LIN7B: variants seen among roughly 807,000 people sequenced by gnomAD.
LIN7B encodes lin-7 cell polarity scaffold B, also known as protein lin-7 homolog B.
LIN7B carries 16 observed loss-of-function variants against 27.9 expected under a neutral mutation model. That is an observed-to-expected ratio of 0.57 (90% CI 0.39 to 0.87). The LOEUF (loss-of-function observed/expected upper bound fraction) is 0.87. Ranked by LOEUF, LIN7B falls within the 40% of genes least tolerant of loss-of-function variation. The probability of loss-of-function intolerance (pLI) is 0.00; values close to 1 mark genes in which losing one functional copy is unlikely to be tolerated. For synonymous variants in LIN7B, 147 were observed against 120.8 expected (o/e 1.22, Z -1.42); for missense variants, 291 against 288.5 (o/e 1.01, Z -0.06).
At chr19:49,115,850 GAAA>G (rs1203641589) in intron 3 of LIN7B, 1 of 148,306 alleles carries the variant, frequency 6.7e-6, no homozygotes, top group Non-Finnish European at 1.5e-5. Context: ...AAAAAAGAAA[GAAA>G]AAGCCGAGCG....
chr19:49,117,727 G>A (rs751087298), intron 4 of LIN7B, 128 bp from the exon 5 acceptor site: 10 of 764,652 alleles, frequency 1.3e-5, no homozygotes, highest in Non-Finnish European at 2.2e-5. Flanking sequence ...TGACTCCCAC[G>A]AGGAGGACAT....
chr19:49,117,961 A>AG lies in LIN7B; in HGVS notation c.547dup (p.Ala183GlyfsTer50). On this transcript the variant is annotated frameshift_variant, in exon 5 of 6. Coordinates refer to ENST00000221459, the MANE Select transcript of LIN7B (RefSeq NM_022165.3). LOFTEE classifies it high-confidence loss of function. ...ACACCGCGAGTGCTGGAGGAGATGG[A>AG]GGCCCGGTTCGAGAAGATGCGCTCT... The AG allele has an allele frequency of 2.5e-6, 4 of 1,614,046 alleles. No individual in the cohort carries two copies. Among genetic ancestry groups the AG allele is most frequent in the Non-Finnish European group, 3.4e-6 (4 of 1,179,958 alleles).
intron 5 of LIN7B, 70 bp from the exon 6 acceptor site, chr19:49,118,282 C>T (rs2040869092): frequency 1.3e-6 from 2 of 1,563,584 alleles, no homozygotes; most frequent in South Asian, 1.1e-5. Context: ...GCCTCTGCAA[C>T]CCCAGTCCTG....
chr19:49,116,505 A>T (rs369606651), intron 4 of LIN7B, 33 bp downstream of exon 4: 5 of 1,574,812 alleles, frequency 3.2e-6, no homozygotes, highest in Non-Finnish European at 4.4e-6. Flanking sequence ...ACTGGGGGAC[A>T]CAGTCTGTCT....
chr19:49,117,466 G>A (rs1323838927), intron 4 of LIN7B, among the ~76,000 whole-genome samples: 1 of 152,072 alleles, frequency 6.6e-6, no homozygotes, highest in Non-Finnish European at 1.5e-5. Flanking sequence ...TGAACTGAGG[G>A]GAGAGATTAG....
At chr19:49,117,264 CAAAA>C (rs1388476841) in intron 4 of LIN7B, among the ~76,000 whole-genome samples, 2 of 59,590 alleles carry the variant, frequency 3.4e-5, no homozygotes, top group Non-Finnish European at 6.9e-5. Context: ...AAAAAAAAAA[CAAAA>C]CTCACTGTGG....
chr19:49,115,004 CCGT>C, intron 2 of LIN7B, 37 bp downstream of exon 2: 1 of 1,272,362 alleles, frequency 7.9e-7, no homozygotes, highest in Non-Finnish European at 1.0e-6. Flanking sequence ...GAGCTGGTGG[CCGT>C]CGTCCTCCTC....
At chr19:49,116,017 A>C (rs1307752790) in intron 3 of LIN7B, 2 of 428,070 alleles carry the variant, frequency 4.7e-6, no homozygotes, top group African/African-American at 2.0e-5. Context: ...CTCAAAAAAA[A>C]AAAAAAAGTA....
At chr19:49,115,172 G>C in intron 2 of LIN7B, 88 bp from the exon 3 acceptor site, 2 of 1,195,528 alleles carry the variant, frequency 1.7e-6, no homozygotes, top group South Asian at 3.0e-5. Context: ...TCCTTGCGTG[G>C]TAGCGGGAGA....
intron 5 of LIN7B, 58 bp downstream of exon 5, chr19:49,118,076 C>A: frequency 6.3e-7 from 1 of 1,598,270 alleles, no homozygotes; most frequent in South Asian, 1.1e-5. Context: ...TAACCCCAGG[C>A]TCCCAAACCA....
Position 49,118,402 on chromosome 19 carries a change from T to G in LIN7B, c.*29T>G, listed in dbSNP as rs745518738. The G allele has an allele frequency of 2.5e-6, 4 of 1,611,932 alleles. No homozygotes were observed. The highest frequency in any genetic ancestry group is 3.4e-6 in the Non-Finnish European group (4 of 1,178,020). ...CACAGATCTGGACGTTCACGTGCAC[T>G]CTCTTCCTGTACAGTATTTATTGTT... is the stretch of plus-strand genomic sequence containing the variant. On this transcript the variant is annotated 3_prime_UTR_variant, in exon 6 of 6. Transcript: ENST00000221459.
rs372164874 is a variant in LIN7B, at chr19:49,118,403, C to T, written c.*30C>T. On this transcript the variant is annotated 3_prime_UTR_variant, in exon 6 of 6. Coordinates refer to ENST00000221459, the MANE Select transcript of LIN7B (RefSeq NM_022165.3). ...ACAGATCTGGACGTTCACGTGCACT[C>T]TCTTCCTGTACAGTATTTATTGTTC... 1.9e-6 allele frequency: 3 copies of T among 1,612,008 alleles called. No homozygotes were observed. Among genetic ancestry groups the T allele is most frequent in the African/African-American group, 2.7e-5 (2 of 74,896 alleles).
chr19:49,114,383 G>GGCTGGCA lies in LIN7B; in HGVS notation c.-17_-11dup. The stretch of plus-strand genomic sequence containing the variant: ...CTCGCCGGCGCCAGGGCAGGCGGGC[G>GGCTGGCA]GCTGGCAGCTGTGGCGCCGACATGG... On this transcript the variant is annotated 5_prime_UTR_variant, in exon 1 of 6. Coordinates refer to ENST00000221459, the MANE Select transcript of LIN7B (RefSeq NM_022165.3). 1 of 1,193,882 alleles carries GGCTGGCA rather than the reference G, an allele frequency of 8.4e-7. No homozygotes were observed. The highest frequency in any genetic ancestry group is 1.0e-6 in the Non-Finnish European group (1 of 963,488). 74.0% of individuals were successfully genotyped at this position (1,193,882 alleles called of 1,614,324 possible).
chr19:49,118,043 C>G (rs766579599), intron 5 of LIN7B, 25 bp downstream of exon 5: 16 of 1,612,478 alleles, frequency 9.9e-6, no homozygotes, highest in Admixed American at 5.0e-5. Flanking sequence ...CACCACACCC[C>G]TGGGGCCTCC....
chr19:49,118,143 G>T (rs2040865530), intron 5 of LIN7B, 125 bp downstream of exon 5: 2 of 1,483,046 alleles, frequency 1.3e-6, no homozygotes, highest in African/African-American at 1.4e-5. Flanking sequence ...CCTGACCCTT[G>T]ACCCTTGGCC....
chr19:49,114,474 G>A, intron 1 of LIN7B, 33 bp downstream of exon 1: 2 of 1,205,702 alleles, frequency 1.7e-6, no homozygotes, highest in Non-Finnish European at 2.1e-6. Context: ...TGCCCACCCG[G>A]GCCGCGGCCT....
At chr19:49,115,234 C>G (rs745402707) in intron 2 of LIN7B, 26 bp from the exon 3 acceptor site, 1 of 1,545,126 alleles carries the variant, frequency 6.5e-7, no homozygotes, top group East Asian at 2.5e-5. Flanking sequence ...CTGGCGACTC[C>G]CTGATGCCGC....
intron 4 of LIN7B, among the ~76,000 whole-genome samples, chr19:49,117,268 ACT>A (rs1424083321): frequency 2.1e-5 from 3 of 142,666 alleles, no homozygotes; most frequent in South Asian, 2.2e-4. Flanking sequence ...AAAAAACAAA[ACT>A]CACTGTGGTT....
intron 3 of LIN7B, 66 bp downstream of exon 3, chr19:49,115,397 C>G (rs1198555798): frequency 7.4e-7 from 1 of 1,344,494 alleles, no homozygotes; most frequent in Admixed American, 2.2e-5. Context: ...ATATCTCCTT[C>G]ATGCCAGTCA....
Sources: gnomAD v4.1 joint callset for allele counts (sites outside exome capture counted in the v4.1 genomes callset) on GRCh38, gnomAD v4.1.1 for gene constraint, MANE v1.5 for transcripts, NCBI Gene and HGNC (gene_info 2026-07-23, HGNC 2026-07-21) for gene names.